CSMD1: variants seen among roughly 807,000 people sequenced by gnomAD.
CSMD1 encodes CUB and sushi domain-containing protein 1.
CSMD1 carries 213 observed loss-of-function variants against 417.5 expected under a neutral mutation model. The observed-to-expected ratio is 0.51, with a 90% CI of 0.46 to 0.57. The LOEUF is 0.57. Ranked by LOEUF, CSMD1 falls within the 20% of genes least tolerant of loss-of-function variation. CSMD1 has a pLI of 0.00. For synonymous variants in CSMD1, 2,862 were observed against 1,736.8 expected (o/e 1.65, Z -16.11); for missense variants, 6,923 against 4,529.7 (o/e 1.53, Z -15.17).
intron 1 of CSMD1, among the ~76,000 whole-genome samples, chr8:4,895,225 A>G (rs1804399776): frequency 2.6e-5 from 4 of 152,176 alleles, no homozygotes; most frequent in Admixed American, 2.0e-4. Context: ...TACAACTAAG[A>G]CAACCTGAAT....
chr8:3,693,729 T>C (rs888338450), intron 7 of CSMD1, among the ~76,000 whole-genome samples: 6 of 152,090 alleles, frequency 3.9e-5, no homozygotes, highest in African/African-American at 9.7e-5. Flanking sequence ...TTGTGTGTGT[T>C]ATGCTTGTTA....
chr8:3,265,294 A>C (rs1801354706), intron 26 of CSMD1, among the ~76,000 whole-genome samples: 2 of 152,232 alleles, frequency 1.3e-5, no homozygotes, highest in African/African-American at 4.8e-5. Context: ...AGGAGGAAGA[A>C]ATGGTAAACG....
intron 4 of CSMD1, among the ~76,000 whole-genome samples, chr8:4,031,222 A>C (rs369615910): frequency 5.9e-5 from 9 of 152,156 alleles, no homozygotes; most frequent in African/African-American, 2.2e-4. Context: ...AATCTATTGT[A>C]TTAGTTCATT....
rs908088089 is a variant in CSMD1, at chr8:3,683,297, G to A, written c.1009+25117C>T. On this transcript the variant is annotated intron_variant, in intron 7 of 69. Coordinates refer to ENST00000635120, the MANE Select transcript of CSMD1 (RefSeq NM_033225.6). The stretch of plus-strand genomic sequence containing the variant: ...GAATAGCCTGTGGACCCAGAATATG[G>A]ATGGATCAGTCAAGGCAAAGTTCTT... Among the ~76,000 whole-genome samples the A allele has an allele frequency of 1.1e-4, 17 of 152,152 alleles. No individual in the cohort carries two copies. In the East Asian group the frequency reaches 3.3e-3, roughly 29 times the overall value.
chr8:3,615,386 C>T (rs1029230800), intron 8 of CSMD1, among the ~76,000 whole-genome samples: 1 of 152,146 alleles, frequency 6.6e-6, no homozygotes. Flanking sequence ...CCTCTACTCC[C>T]CTCCTCCAGA....
intron 1 of CSMD1, among the ~76,000 whole-genome samples, chr8:4,715,362 G>T (rs927208085): frequency 6.6e-6 from 1 of 152,104 alleles, no homozygotes; most frequent in Non-Finnish European, 1.5e-5. Flanking sequence ...CTTCATCAAA[G>T]AGCAATATTA....
intron 3 of CSMD1, among the ~76,000 whole-genome samples, chr8:4,398,098 C>A (rs1804381906): frequency 6.6e-6 from 1 of 152,118 alleles, no homozygotes. Context: ...AAGAGATATG[C>A]CATCTTTTAT....
At chr8:3,226,015 A>G (rs986362529) in intron 27 of CSMD1, among the ~76,000 whole-genome samples, 5 of 152,234 alleles carry the variant, frequency 3.3e-5, no homozygotes, top group African/African-American at 9.6e-5. Flanking sequence ...ATACATACGT[A>G]GCAGCTCCTT....
At chr8:3,877,532 T>A (rs562523636) in intron 5 of CSMD1, among the ~76,000 whole-genome samples, 15 of 152,256 alleles carry the variant, frequency 9.9e-5, no homozygotes, top group Middle Eastern at 3.4e-3. Flanking sequence ...GCTTCGATGT[T>A]CCCCATATTC....
chr8:4,977,243 G>C (rs4875426), intron 1 of CSMD1, among the ~76,000 whole-genome samples: 98,623 of 152,038 alleles, frequency 0.65, 32,495 homozygotes, highest in Middle Eastern at 0.81. Context: ...AGCCAAGTGA[G>C]AGCAAAACTC....
intron 5 of CSMD1, among the ~76,000 whole-genome samples, chr8:3,858,350 A>C (rs1198098526): frequency 6.6e-6 from 1 of 152,146 alleles, no homozygotes; most frequent in African/African-American, 2.4e-5. Context: ...TGCTTAAAAT[A>C]TTTCATGCTT....
At chr8:4,821,505 C>G (rs532163525) in intron 1 of CSMD1, among the ~76,000 whole-genome samples, 19 of 152,278 alleles carry the variant, frequency 1.2e-4, no homozygotes, top group Non-Finnish European at 2.5e-4. Context: ...GCACATTCTT[C>G]ATGAATTATG....
intron 7 of CSMD1, among the ~76,000 whole-genome samples, chr8:3,650,847 C>T (rs1797819811): frequency 6.6e-6 from 1 of 152,184 alleles, no homozygotes; most frequent in Non-Finnish European, 1.5e-5. Context: ...ATCCTGACAT[C>T]TCCCCTGTAT....
intron 4 of CSMD1, among the ~76,000 whole-genome samples, chr8:4,012,281 T>C (rs73182060): frequency 0.081 from 12,341 of 152,184 alleles, 565 homozygotes; most frequent in Middle Eastern, 0.13. Flanking sequence ...TTCTTCTGAG[T>C]CATCATGCCA....
intron 18 of CSMD1, among the ~76,000 whole-genome samples, chr8:3,385,032 T>TATATATAATATATAAATATATA (rs1563333497): frequency 1.4e-4 from 12 of 84,670 alleles, no homozygotes; most frequent in Non-Finnish European, 2.2e-4. Context: ...ATAAATATAA[T>TATATATAATATATAAATATATA]ATATATAATA....
chr8:4,127,932 T>C (rs917460942), intron 3 of CSMD1, among the ~76,000 whole-genome samples: 1 of 152,192 alleles, frequency 6.6e-6, no homozygotes, highest in Non-Finnish European at 1.5e-5. Context: ...GCATGCACAG[T>C]TAAACACTAT....
At chr8:3,085,401 G>C (rs540623386) in intron 49 of CSMD1, among the ~76,000 whole-genome samples, 6 of 152,322 alleles carry the variant, frequency 3.9e-5, no homozygotes, top group African/African-American at 1.2e-4. Flanking sequence ...TGAGAACAAA[G>C]TCGTGTAAGT....
chr8:3,490,740 T>C (rs1050778029), intron 11 of CSMD1, among the ~76,000 whole-genome samples: 2 of 152,166 alleles, frequency 1.3e-5, no homozygotes, highest in Non-Finnish European at 2.9e-5. Flanking sequence ...TTCTATCCAC[T>C]GTAGTGCTGT....
intron 7 of CSMD1, among the ~76,000 whole-genome samples, chr8:3,644,828 A>G (rs1797493563): frequency 6.6e-6 from 1 of 151,822 alleles, no homozygotes; most frequent in African/African-American, 2.4e-5. Flanking sequence ...CCCTCCAGGA[A>G]CCCCGATGTG....
Sources: gnomAD v4.1 joint callset for allele counts (sites outside exome capture counted in the v4.1 genomes callset) on GRCh38, gnomAD v4.1.1 for gene constraint, MANE v1.5 for transcripts, NCBI Gene and HGNC (gene_info 2026-07-23, HGNC 2026-07-21) for gene names.